TENM4: variants seen among roughly 807,000 people sequenced by gnomAD.
TENM4 encodes teneurin-4.
A neutral mutation model predicts 243.3 loss-of-function variants in TENM4; 82 were observed. The observed-to-expected ratio is 0.34, with a 90% confidence interval of 0.28 to 0.40. The LOEUF is 0.40. Ranked by LOEUF, TENM4 falls within the 10% of genes least tolerant of loss-of-function variation. The pLI, the probability that TENM4 is intolerant of heterozygous loss-of-function variation, is 1.00. For synonymous variants in TENM4, 1,412 were observed against 1,456.3 expected (o/e 0.97, Z 0.69); for missense variants, 3,138 against 3,673.3 (o/e 0.85, Z 3.77).
rs1046834540 is a variant in TENM4, at chr11:78,821,365, T to A, written c.1682-6970A>T. Among the ~76,000 whole-genome samples the A allele has an allele frequency of 9.2e-5, 14 of 152,146 alleles. 1 individual carries two copies. The South Asian group carries it at 2.9e-3, about 32-fold the overall frequency. ...AACTCAATAATATTTATTGTATTGATAAACAAAGCAGGAATACAAGGGGAA... is the reference window on the plus strand; with the variant it reads ...AACTCAATAATATTTATTGTATTGAAAAACAAAGCAGGAATACAAGGGGAA... On this transcript the variant is annotated intron_variant, in intron 12 of 33. Coordinates refer to ENST00000278550, the MANE Select transcript of TENM4 (RefSeq NM_001098816.3).
At chr11:78,853,032 T>C (rs1020817380) in intron 12 of TENM4, among the ~76,000 whole-genome samples, 1 of 152,142 alleles carries the variant, frequency 6.6e-6, no homozygotes, top group Non-Finnish European at 1.5e-5. Flanking sequence ...GAGATTATAG[T>C]ATGAGCCACC....
At chr11:79,431,132 CTAT>C (rs1394799269) in intron 1 of TENM4, among the ~76,000 whole-genome samples, 1 of 152,172 alleles carries the variant, frequency 6.6e-6, no homozygotes, top group Admixed American at 6.5e-5. Flanking sequence ...ATCAAAAATT[CTAT>C]TAATTCATAA....
chr11:79,287,303 T>C (rs768443258), intron 2 of TENM4, among the ~76,000 whole-genome samples: 11 of 151,946 alleles, frequency 7.2e-5, no homozygotes, highest in Admixed American at 4.6e-4. Context: ...ATGGAATAGG[T>C]GAAGTACCAG....
chr11:79,017,403 T>C (rs1858806864), intron 6 of TENM4, among the ~76,000 whole-genome samples: 1 of 152,166 alleles, frequency 6.6e-6, no homozygotes, highest in Non-Finnish European at 1.5e-5. Flanking sequence ...CTGTCCTGGA[T>C]ACCAGGAAGC....
intron 1 of TENM4, among the ~76,000 whole-genome samples, chr11:79,341,915 A>T (rs472227): frequency 0.32 from 49,246 of 152,150 alleles, 8,347 homozygotes; most frequent in South Asian, 0.53. Flanking sequence ...ATATACCCTA[A>T]GCCTCAATTT....
At chr11:79,357,702 A>G (rs1238977065) in intron 1 of TENM4, among the ~76,000 whole-genome samples, 1 of 152,204 alleles carries the variant, frequency 6.6e-6, no homozygotes, top group East Asian at 1.9e-4. Context: ...AATCTTTTCA[A>G]AAACAACCAC....
chr11:79,064,483 T>C (rs1860186207), intron 6 of TENM4: 2 of 498,456 alleles, frequency 4.0e-6, no homozygotes, highest in Non-Finnish European at 7.2e-6. Flanking sequence ...ACAGGCACCT[T>C]ATGAGCAATG....
chr11:78,780,163 C>A (rs1856813497), intron 16 of TENM4, among the ~76,000 whole-genome samples: 1 of 152,168 alleles, frequency 6.6e-6, no homozygotes, highest in Admixed American at 6.5e-5. Flanking sequence ...GTAAACAAAG[C>A]TATGGAATGC....
intron 6 of TENM4, among the ~76,000 whole-genome samples, chr11:78,972,757 A>T (rs1034784558): frequency 6.6e-6 from 1 of 152,204 alleles, no homozygotes; most frequent in Non-Finnish European, 1.5e-5. Flanking sequence ...GAGTATTGCA[A>T]CCATCACCAC....
chr11:79,188,007 T>G (rs995273840), intron 3 of TENM4, among the ~76,000 whole-genome samples: 2 of 152,232 alleles, frequency 1.3e-5, no homozygotes, highest in African/African-American at 4.8e-5. Flanking sequence ...AGTGTTTCAG[T>G]AGAGCTTGGG....
chr11:79,214,687 G>A (rs1864015993), intron 3 of TENM4, among the ~76,000 whole-genome samples: 1 of 152,208 alleles, frequency 6.6e-6, no homozygotes, highest in Admixed American at 6.5e-5. Context: ...AAATCAGGCA[G>A]GACCACAGGG....
rs117979921 is a variant in TENM4 at position 78,736,929 on chromosome 11, T to C, written c.2876+1522A>G. On this transcript the variant is annotated intron_variant, in intron 20 of 33. Coordinates refer to ENST00000278550, the MANE Select transcript of TENM4 (RefSeq NM_001098816.3). ...CCATGCTCTCAGTGGGCAGTAGAAATTGTAGAGGAAGCACAAACAGGAGGA... is the reference window on the plus strand; with the variant it reads ...CCATGCTCTCAGTGGGCAGTAGAAACTGTAGAGGAAGCACAAACAGGAGGA... 4.7e-3 allele frequency among the ~76,000 whole-genome samples: 721 copies of C among 152,168 alleles called. 4 individuals are homozygous for C. The highest frequency in any genetic ancestry group is 7.8e-3 in the Admixed American group (119 of 15,306).
intron 4 of TENM4, among the ~76,000 whole-genome samples, chr11:79,080,594 C>T (rs1860642985): frequency 6.6e-6 from 1 of 152,212 alleles, no homozygotes; most frequent in Non-Finnish European, 1.5e-5. Flanking sequence ...CCCTGCACCC[C>T]TTTCTCCTGT....
At chr11:78,973,295 A>T (rs931444241) in intron 6 of TENM4, among the ~76,000 whole-genome samples, 2 of 152,242 alleles carry the variant, frequency 1.3e-5, no homozygotes, top group Middle Eastern at 3.2e-3. Flanking sequence ...GCCCACTGGC[A>T]GTGTATGAGG....
intron 1 of TENM4, among the ~76,000 whole-genome samples, chr11:79,396,853 C>A (rs2135549468): frequency 6.6e-6 from 1 of 152,276 alleles, no homozygotes; most frequent in African/African-American, 2.4e-5. Context: ...TGAGTCACAA[C>A]CAAAGCCAAG....
At chr11:78,880,596 G>T (rs1859409171) in intron 9 of TENM4, among the ~76,000 whole-genome samples, 1 of 151,410 alleles carries the variant, frequency 6.6e-6, no homozygotes, top group South Asian at 2.1e-4. Context: ...GAATATATGA[G>T]TAAATGTGGG....
intron 6 of TENM4, among the ~76,000 whole-genome samples, chr11:79,032,289 C>A (rs1407481412): frequency 6.6e-6 from 1 of 152,180 alleles, no homozygotes; most frequent in African/African-American, 2.4e-5. Flanking sequence ...AGGCCGGGGA[C>A]TTCCCTTTAG....
intron 1 of TENM4, among the ~76,000 whole-genome samples, chr11:79,363,034 GACTC>G (rs1857617622): frequency 6.6e-6 from 1 of 152,204 alleles, no homozygotes; most frequent in African/African-American, 2.4e-5. Context: ...ATTGGACACT[GACTC>G]ACACAGGTGG....
At chr11:79,403,221 C>G (rs543761875) in intron 1 of TENM4, among the ~76,000 whole-genome samples, 1 of 152,244 alleles carries the variant, frequency 6.6e-6, no homozygotes, top group East Asian at 1.9e-4. Flanking sequence ...ACCAACGATT[C>G]TCCCATGCAC....
Sources: allele counts gnomAD v4.1 joint callset (sites outside exome capture counted in the v4.1 genomes callset), GRCh38; gene constraint gnomAD v4.1.1; transcripts MANE v1.5; gene names NCBI Gene and HGNC (gene_info 2026-07-23, HGNC 2026-07-21).